The following ZNF77 variants were observed in gnomAD, a reference collection of about 807,000 sequenced individuals.
ZNF77 encodes the protein zinc finger protein 77, also known as ZNFpT1.
In ZNF77, 15 loss-of-function variants were observed where a neutral mutation model predicts 13.5. The ratio of observed to expected loss-of-function variants is 1.11; its 90% CI spans 0.74 to 1.71. The LOEUF is 1.71. ZNF77 is among the 40% of genes most tolerant of loss of function. The probability of loss-of-function intolerance (pLI) is 0.00; values close to 1 mark genes in which losing one functional copy is unlikely to be tolerated. For missense variants in ZNF77, 717 were observed against 676.4 expected, an observed-to-expected ratio of 1.06 and a Z score of -0.67; for synonymous variants, 282 against 250.0, an observed-to-expected ratio of 1.13 and a Z score of -1.21.
At chr19:2,942,145 C>G (rs1024120198) in intron 1 of ZNF77, among the ~76,000 whole-genome samples, 2 of 150,038 alleles carry the variant, frequency 1.3e-5, no homozygotes, top group East Asian at 3.9e-4. Flanking sequence ...AATCTCAGCT[C>G]GCTGCAACCT....
At chr19:2,937,575 A>G (rs1406656293) in intron 2 of ZNF77, among the ~76,000 whole-genome samples, 1 of 152,114 alleles carries the variant, frequency 6.6e-6, no homozygotes, top group Non-Finnish European at 1.5e-5. Flanking sequence ...ACTGATGTTT[A>G]GTAAAATATT....
chr19:2,944,831 C>A lies in ZNF77; in HGVS notation c.3+7G>T. ...GGGCCCGGGCTCGGCTCCCGCCCGG[C>A]ACTCACCATGTCCCGCCCGCTCCTG... On this transcript the variant is annotated splice_region_variant and intron_variant, in intron 1 of 3. Transcript: ENST00000314531. 1 of 1,524,322 alleles carries A rather than the reference C, an allele frequency of 6.6e-7. No homozygotes were observed. The highest frequency in any genetic ancestry group is 2.0e-5 in the Admixed American group (1 of 50,164). The allele number at this position is 1,524,322 out of a possible 1,614,324, so 94.4% of individuals were successfully genotyped here. A position where few individuals can be genotyped will look rare whatever the true frequency, so the allele number is the denominator to read the frequency against.
intron 1 of ZNF77, 43 bp from the exon 2 acceptor site, chr19:2,939,450 C>T: frequency 1.2e-6 from 2 of 1,605,768 alleles, no homozygotes; most frequent in Non-Finnish European, 1.7e-6. Context: ...GGCACCGCCT[C>T]CCCCATGTGC....
rs756899818 is a variant in ZNF77, at chr19:2,934,466, A to C, written c.661T>G (p.Phe221Val). The C allele has an allele frequency of 6.2e-7, 1 of 1,614,216 alleles. No homozygotes were observed. Among genetic ancestry groups the C allele is most frequent in the Non-Finnish European group, 8.5e-7 (1 of 1,180,026 alleles). The change falls in exon 4 of 4, where the codon TTC becomes GTC. Residue 221 changes from phenylalanine (F) to valine (V), a missense_variant. Transcript: ENST00000314531. ...SYECQKCGKA[F>V]ICPSSFRGHV... ...CCCCTGAAAGATGAGGGACAAATGA[A>C]AGCTTTTCCACATTTCTGACATTCA...
At chr19:2,934,876 T>C in intron 3 of ZNF77, 61 bp from the exon 4 acceptor site, 2 of 1,515,258 alleles carry the variant, frequency 1.3e-6, no homozygotes, top group Non-Finnish European at 1.8e-6. Context: ...AATTTATTAA[T>C]GGTTTTTAGT....
Position 2,933,939 on chromosome 19 carries a change from T to A in ZNF77, c.1188A>T (p.Arg396Ser), listed in dbSNP as rs376216560. ...GKAFGCPTYF[R>S]RHVKTHSGVK... ...CCCCGCTGTGTGTTTTCACATGTCT[T>A]CTAAAGTAAGTGGGACATCCGAAGG... Residue 396 changes from arginine (R) to serine (S), a missense_variant, in exon 4 of 4, where the codon AGA (arginine) becomes AGT (serine). Physicochemically the swap from Arg to Ser is moderately radical, Grantham distance 110. Coordinates refer to ENST00000314531, the MANE Select transcript of ZNF77 (RefSeq NM_021217.3). 6.2e-7 allele frequency: 1 copy of A among 1,613,902 alleles called. No homozygotes were observed. Among genetic ancestry groups the A allele is most frequent in the Non-Finnish European group, 8.5e-7 (1 of 1,180,014 alleles).
In ZNF77 at chr19:2,934,640, G is replaced by T; in HGVS notation, c.487C>A (p.Pro163Thr). 6.2e-7 allele frequency: 1 copy of T among 1,614,146 alleles called. No homozygotes were observed. The highest frequency in any genetic ancestry group is 1.1e-5 in the South Asian group (1 of 91,080). ...CAGGCTTGCCCACATTCCTTACACG[G>T]TCTCTGTCCAGTGTGAGATCTCTGC... is the stretch of plus-strand genomic sequence containing the variant. ...NRQRSHTGQRPCKECGQACSC... is the reference protein window; with the variant it reads ...NRQRSHTGQRTCKECGQACSC... The change falls in exon 4 of 4, where the codon CCG becomes ACG. Residue 163 changes from proline (P) to threonine (T), a missense_variant. Coordinates refer to ENST00000314531, the MANE Select transcript of ZNF77 (RefSeq NM_021217.3).
At chr19:2,941,590 A>G (rs2088449044) in intron 1 of ZNF77, among the ~76,000 whole-genome samples, 1 of 152,158 alleles carries the variant, frequency 6.6e-6, no homozygotes, top group Admixed American at 6.6e-5. Context: ...CTGTCCCACA[A>G]AGGGTCCCAT....
In ZNF77 at chr19:2,933,485, AG is replaced by A; in HGVS notation, c.*3del. 7 of 1,546,520 alleles carry A rather than the reference AG, an allele frequency of 4.5e-6. No homozygotes were observed. The Admixed American group carries it at 9.8e-5, about 22-fold the overall frequency. On this transcript the variant is annotated 3_prime_UTR_variant, in exon 4 of 4. Coordinates refer to ENST00000314531, the MANE Select transcript of ZNF77 (RefSeq NM_021217.3). ...ACTCTCCCAGGTCCACTGTATTCGT[AG>A]ATTCACGCTCCAGCATGTGTTCTCA...
intron 2 of ZNF77, 59 bp from the exon 3 acceptor site, chr19:2,936,763 C>G (rs1473265325): frequency 6.8e-7 from 1 of 1,476,840 alleles, no homozygotes; most frequent in Non-Finnish European, 9.2e-7. Flanking sequence ...AGGAAATAGA[C>G]CACATACGGA....
At chr19:2,938,679 G>C (rs563310529) in intron 2 of ZNF77, among the ~76,000 whole-genome samples, 1 of 152,154 alleles carries the variant, frequency 6.6e-6, no homozygotes, top group Non-Finnish European at 1.5e-5. Flanking sequence ...ATCTTAGGCC[G>C]GGCGCGGTGG....
chr19:2,939,804 T>G, intron 1 of ZNF77: 1 of 199,740 alleles, frequency 5.0e-6, no homozygotes, highest in African/African-American at 2.4e-5. Flanking sequence ...AGATCCCGTC[T>G]CTACAAAAAA....
Position 2,936,622 on chromosome 19 carries a change from A to C in ZNF77, c.213T>G (p.Ile71Met). 2 of 1,611,810 alleles carry C rather than the reference A, an allele frequency of 1.2e-6. No individual in the cohort carries two copies. The highest frequency in any genetic ancestry group is 1.7e-6 in the Non-Finnish European group (2 of 1,179,418). The change falls in exon 3 of 4, where the codon ATT becomes ATG. Residue 71 changes from isoleucine to methionine, a missense_variant. Ile to Met is a conservative substitution (Grantham distance 10). Transcript: ENST00000314531. ...FGNGISNDEE[I>M]VKFTGSDSWS... is the part of the protein sequence containing the mutation. ...AGGAATCACTTCCTGTGAACTTTAC[A>C]ATCTCTTCATCATTGGATATTCCAT...
chr19:2,937,010 T>C lies in ZNF77; in HGVS notation c.131-306A>G, dbSNP rs190711340. On this transcript the variant is annotated intron_variant, in intron 2 of 3. Transcript: ENST00000314531. ...GGCAACATAGGAAAATAAGGAGACC[T>C]CATCTCTAAACAACAATAAAAAATT... Among the ~76,000 whole-genome samples the C allele has an allele frequency of 2.1e-3, 314 of 151,922 alleles. 1 individual carries two copies. The highest frequency in any genetic ancestry group is 5.6e-3 in the African/African-American group (230 of 41,428).
At chr19:2,944,246 G>A (rs1169093612) in intron 1 of ZNF77, among the ~76,000 whole-genome samples, 1 of 114,648 alleles carries the variant, frequency 8.7e-6, no homozygotes, top group Non-Finnish European at 1.7e-5. Context: ...GTGCCCCTGA[G>A]CCCCTGACTG....
chr19:2,938,432 G>A (rs564257167), intron 2 of ZNF77, among the ~76,000 whole-genome samples: 1 of 152,294 alleles, frequency 6.6e-6, no homozygotes, highest in African/African-American at 2.4e-5. Flanking sequence ...TACTCTGTGT[G>A]GTGAACCACA....
Position 2,934,055 on chromosome 19 carries a change from C to T in ZNF77, c.1072G>A (p.Gly358Ser), listed in dbSNP as rs375886688. ...GEKPYECKEC[G>S]KAFRYPSSLR... Reference sequence around the variant, plus strand: ...GAGGAGGGGTACCTGAAGGCTTTGCCGCATTCCTTACATTCATAGGGTTTC... The same window carrying T: ...GAGGAGGGGTACCTGAAGGCTTTGCTGCATTCCTTACATTCATAGGGTTTC... The change falls in exon 4 of 4, where the codon GGC (glycine) becomes AGC (serine). Residue 358 changes from glycine (G) to serine (S), a missense_variant. Transcript: ENST00000314531. The T allele has an allele frequency of 2.3e-5, 37 of 1,614,024 alleles. No homozygotes were observed. The highest frequency in any genetic ancestry group is 1.6e-4 in the Middle Eastern group (1 of 6,084).
At chr19:2,937,060 G>C (rs1238072653) in intron 2 of ZNF77, among the ~76,000 whole-genome samples, 1 of 152,048 alleles carries the variant, frequency 6.6e-6, no homozygotes, top group Non-Finnish European at 1.5e-5. Context: ...GTGGTGTTGT[G>C]TGCCTATAAT....
At chr19:2,944,337 C>G (rs918168701) in intron 1 of ZNF77, among the ~76,000 whole-genome samples, 1 of 143,934 alleles carries the variant, frequency 6.9e-6, no homozygotes, top group South Asian at 2.2e-4. Flanking sequence ...CCCCTGATCA[C>G]CTGTCCCCCA....
Sources: allele counts gnomAD v4.1 joint callset (sites outside exome capture counted in the v4.1 genomes callset), GRCh38; gene constraint gnomAD v4.1.1; transcripts MANE v1.5; gene names NCBI Gene and HGNC (gene_info 2026-07-23, HGNC 2026-07-21).